Variants in WSB2 observed in about 807,000 individuals in gnomAD.
WSB2 encodes WD repeat and SOCS box containing 2.
A neutral mutation model predicts 48.8 loss-of-function variants in WSB2; 12 were observed. That is an observed-to-expected ratio of 0.25 (90% confidence interval 0.16 to 0.40). The LOEUF is 0.40. Among genes scored for constraint, WSB2 ranks in the 10% least tolerant of loss-of-function variants. The probability of loss-of-function intolerance (pLI) is 1.00; values close to 1 mark genes in which losing one functional copy is unlikely to be tolerated. For synonymous variants in WSB2, 191 were observed against 203.1 expected, an observed-to-expected ratio of 0.94 and a Z score of 0.51; for missense variants, 317 against 506.2, an observed-to-expected ratio of 0.63 and a Z score of 3.59.
intron 2 of WSB2, among the ~76,000 whole-genome samples, chr12:118,048,417 G>T (rs1304808362): frequency 2.0e-5 from 3 of 151,798 alleles, no homozygotes; most frequent in African/African-American, 7.3e-5. Flanking sequence ...GTGAAAACTT[G>T]TCTCTTCTAA....
At chr12:118,061,984 G>A (rs1214876866), upstream of WSB2, 2 of 1,006,418 alleles carry the variant, frequency 2.0e-6, no homozygotes, top group Non-Finnish European at 2.9e-6. Context: ...AGAGGGAAGT[G>A]AGGAGAACAC....
At chr12:118,041,748 CTTTTTTTTTTT>C (rs150072011) in intron 4 of WSB2, among the ~76,000 whole-genome samples, 20 of 101,536 alleles carry the variant, frequency 2.0e-4, no homozygotes, top group African/African-American at 7.2e-4. Context: ...TCTTATGTCA[CTTTTTTTTTTT>C]TTTTTTTTTT....
chr12:118,055,516 A>G (rs989781870), intron 1 of WSB2, among the ~76,000 whole-genome samples: 1 of 151,220 alleles, frequency 6.6e-6, no homozygotes, highest in Non-Finnish European at 1.5e-5. Flanking sequence ...GCTTGAGACC[A>G]GGAATTCCGG....
chr12:118,041,173 C>G (rs184015223), intron 4 of WSB2, among the ~76,000 whole-genome samples: 5 of 152,304 alleles, frequency 3.3e-5, no homozygotes, highest in Admixed American at 1.3e-4. Context: ...ATGTGCCCCC[C>G]ACACATAAAG....
intron 4 of WSB2, among the ~76,000 whole-genome samples, chr12:118,041,492 T>G (rs2031635027): frequency 6.6e-6 from 1 of 152,148 alleles, no homozygotes; most frequent in South Asian, 2.1e-4. Context: ...TCAGGCTCAT[T>G]GCTAAAAGAG....
At chr12:118,057,539 T>C (rs890086443) in intron 1 of WSB2, among the ~76,000 whole-genome samples, 3 of 152,182 alleles carry the variant, frequency 2.0e-5, no homozygotes, top group African/African-American at 7.2e-5. Flanking sequence ...CCTCCCAAAG[T>C]GCTGGGATTG....
Position 118,060,942 on chromosome 12 carries a change from CCGCCCAGCCCGCCCCGGGGTCGCCT to C in WSB2, c.13+69_13+93del. ...CGCCGCGTCCAGCCCCCGCCCCACC[CCGCCCAGCCCGCCCCGGGGTCGCCT>C]CCCCCCTCCCCGGGGAGAACGGGCC... On this transcript the variant is annotated intron_variant, in intron 1 of 8. Coordinates refer to ENST00000315436, the MANE Select transcript of WSB2 (RefSeq NM_018639.5). This position sits in a 1 kb window ranked among gnomAD's most constrained non-coding sequence, Gnocchi z 4.1. The C allele has an allele frequency of 1.8e-6, 1 of 568,322 alleles. No homozygotes were observed. Among genetic ancestry groups the C allele is most frequent in the Non-Finnish European group, 2.2e-6 (1 of 448,324 alleles). The allele number at this position is 568,322 out of a possible 1,614,324, so 35.2% of individuals were successfully genotyped here.
rs1325184877 is a variant in WSB2, at chr12:118,060,310, G to A, written c.13+726C>T. On this transcript the variant is annotated intron_variant, in intron 1 of 8. Transcript: ENST00000315436. The surrounding 1 kb of genome is among the most constrained non-coding windows in gnomAD (Gnocchi z 4.1). ...TCTGACTTCCACGCTGTCTTCTGATGGGGATGGCAGTTAACAAGAATAGAG... is the reference window on the plus strand; with the variant it reads ...TCTGACTTCCACGCTGTCTTCTGATAGGGATGGCAGTTAACAAGAATAGAG... Among the ~76,000 whole-genome samples, 1 of 152,082 alleles carries A rather than the reference G, an allele frequency of 6.6e-6. No individual in the cohort carries two copies. Among genetic ancestry groups the A allele is most frequent in the Non-Finnish European group, 1.5e-5 (1 of 68,016 alleles).
At chr12:118,037,424 T>C (rs1235458154) in intron 5 of WSB2, among the ~76,000 whole-genome samples, 1 of 152,126 alleles carries the variant, frequency 6.6e-6, no homozygotes, top group African/African-American at 2.4e-5. Flanking sequence ...CCCAGCACTT[T>C]GGGAGGCCCA....
intron 2 of WSB2, among the ~76,000 whole-genome samples, chr12:118,050,069 G>T (rs933017711): frequency 6.6e-6 from 1 of 152,046 alleles, no homozygotes; most frequent in Non-Finnish European, 1.5e-5. Context: ...GGGTGGTGGC[G>T]CATGCCTGTA....
intron 4 of WSB2, among the ~76,000 whole-genome samples, chr12:118,038,618 C>G (rs2031564457): frequency 6.6e-6 from 1 of 152,196 alleles, no homozygotes; most frequent in Non-Finnish European, 1.5e-5. Context: ...AAACCAGTAC[C>G]TATGGCTTCA....
chr12:118,059,278 TGAAA>T (rs959247274), intron 1 of WSB2, among the ~76,000 whole-genome samples: 6 of 152,206 alleles, frequency 3.9e-5, no homozygotes, highest in Non-Finnish European at 5.9e-5. Context: ...CATGTTGTAT[TGAAA>T]GAGTTTTTAA....
chr12:118,035,701 G>A (rs530233009), intron 6 of WSB2: 2 of 187,094 alleles, frequency 1.1e-5, no homozygotes, highest in South Asian at 2.3e-4. Flanking sequence ...GACCAAGTTT[G>A]TGAGAACATG....
chr12:118,034,574 G>GCTCTCTCTCTCTCTCTCTCTCT (rs368693869), intron 8 of WSB2: 13,788 of 524,974 alleles, frequency 0.026, 188 homozygotes, highest in East Asian at 0.033. Context: ...ATACCAAAGC[G>GCTCTCTCTCTCTCTCTCTCTCT]CTCTCTCTGT....
At position 118,060,945 on chromosome 12, in the gene WSB2, CCCAGCCCG is replaced by C; in HGVS notation, c.13+83_13+90del. 2 of 586,300 alleles carry C rather than the reference CCCAGCCCG, an allele frequency of 3.4e-6. No homozygotes were observed. The highest frequency in any genetic ancestry group is 4.3e-6 in the Non-Finnish European group (2 of 464,876). The allele number at this position is 586,300 out of a possible 1,614,324, so 36.3% of individuals were successfully genotyped here. A position where few individuals can be genotyped will look rare whatever the true frequency, so the allele number is the denominator to read the frequency against. On this transcript the variant is annotated intron_variant, in intron 1 of 8. Coordinates refer to ENST00000315436, the MANE Select transcript of WSB2 (RefSeq NM_018639.5). This position sits in a 1 kb window ranked among gnomAD's most constrained non-coding sequence, Gnocchi z 4.1. ...CGCGTCCAGCCCCCGCCCCACCCCGCCCAGCCCGCCCCGGGGTCGCCTCCCCCCTCCCC... is the reference window on the plus strand; with the variant it reads ...CGCGTCCAGCCCCCGCCCCACCCCGCCCCCGGGGTCGCCTCCCCCCTCCCC...
intron 8 of WSB2, chr12:118,034,583 G>GCTCTCTCTCTC (rs1555267406): frequency 2.8e-5 from 15 of 538,124 alleles, no homozygotes; most frequent in Admixed American, 2.7e-4. Flanking sequence ...CGCTCTCTCT[G>GCTCTCTCTCTC]TCTCTCTCTC....
chr12:118,052,561 T>C lies in WSB2; in HGVS notation c.14-83A>G, dbSNP rs146092737. The stretch of plus-strand genomic sequence containing the variant: ...ACACAGGAAAGCCACTGTCTCCCTG[T>C]GGCAAAGAGCCACACTATCCATTCC... On this transcript the variant is annotated intron_variant, in intron 1 of 8. Coordinates refer to ENST00000315436, the MANE Select transcript of WSB2 (RefSeq NM_018639.5). The C allele has an allele frequency of 8.0e-4, 1,263 of 1,581,794 alleles. 6 individuals carry two copies. In the African/African-American group the frequency reaches 0.015, roughly 18 times the overall value.
At chr12:118,058,868 G>A (rs2032011784) in intron 1 of WSB2, among the ~76,000 whole-genome samples, 2 of 151,868 alleles carry the variant, frequency 1.3e-5, no homozygotes, top group Admixed American at 6.6e-5. Context: ...GGTTAATTTT[G>A]TATTTTTAGT....
In WSB2 at chr12:118,038,290, A is replaced by T. The variant is rs762716712; in HGVS notation, c.658T>A (p.Ser220Thr). 2 of 1,612,784 alleles carry T rather than the reference A, an allele frequency of 1.2e-6. No individual in the cohort carries two copies. Among genetic ancestry groups the T allele is most frequent in the Admixed American group, 1.7e-5 (1 of 59,612 alleles). The change falls in exon 5 of 9, where the codon TCG becomes ACG. Residue 220 changes from serine to threonine, a missense_variant and splice_region_variant. Coordinates refer to ENST00000315436, the MANE Select transcript of WSB2 (RefSeq NM_018639.5). Reference protein sequence around the residue: ...SMLCSAAGEKSVFLWSMRSYT... With the variant: ...SMLCSAAGEKTVFLWSMRSYT... ...AAGCAATAACGCTGGAGACTCACCG[A>T]CTTCTCTCCAGCTGCAGAGCACAGC...
Sources: gnomAD v4.1 joint callset for allele counts (sites outside exome capture counted in the v4.1 genomes callset) on GRCh38, gnomAD v4.1.1 for gene constraint, Gnocchi (gnomAD v3.1) non-coding constraint, MANE v1.5 for transcripts, NCBI Gene and HGNC (gene_info 2026-07-23, HGNC 2026-07-21) for gene names.